Variants in OPRPN observed in about 807,000 individuals in gnomAD.
OPRPN encodes the protein basic proline-rich lacrimal protein.
Under a neutral mutation model 2.2 loss-of-function variants are expected in OPRPN, and 1 was observed. The ratio of observed to expected loss-of-function variants is 0.45; its 90% CI spans 0.16 to 2.15. The LOEUF is 2.15. Among genes scored for constraint, OPRPN ranks in the 30% most tolerant of loss-of-function variants. The pLI is 0.28. For synonymous variants in OPRPN, 126 were observed against 111.5 expected, an observed-to-expected ratio of 1.13 and a Z score of -0.82; for missense variants, 306 against 297.3, an observed-to-expected ratio of 1.03 and a Z score of -0.21.
At position 70,409,441 on chromosome 4, in the gene OPRPN, C is replaced by T; in HGVS notation, c.113C>T (p.Pro38Leu). The T allele has an allele frequency of 6.2e-7, 1 of 1,614,068 alleles. No individual in the cohort carries two copies. Among genetic ancestry groups the T allele is most frequent in the South Asian group, 1.1e-5 (1 of 91,070 alleles). ...PYLPGQLPPP[P>L]LYRPRWVPPS... is the part of the protein sequence containing the mutation. ...CTACCTGGCCAGCTGCCACCACCTC[C>T]ACTCTACAGGCCAAGATGGGTTCCA... The change falls in exon 3 of 3, where the codon CCA becomes CTA. Residue 38 changes from proline to leucine, a missense_variant. Physicochemically the swap from Pro to Leu is moderately conservative, Grantham distance 98. Coordinates refer to ENST00000399575, the MANE Select transcript of OPRPN (RefSeq NM_021225.5).
intron 2 of OPRPN, among the ~76,000 whole-genome samples, chr4:70,403,535 C>CA (rs1352939051): frequency 3.9e-5 from 6 of 152,102 alleles, no homozygotes; most frequent in Admixed American, 6.5e-5. Flanking sequence ...CATGAGTTTG[C>CA]AAAAAATATT....
At chr4:70,409,359 C>T (rs527477623) in intron 2 of OPRPN, 21 bp from the exon 3 acceptor site, 3 of 1,551,590 alleles carry the variant, frequency 1.9e-6, no homozygotes, top group East Asian at 4.5e-5. Flanking sequence ...TTGTTTTTTA[C>T]CTTTGTTTTT....
At chr4:70,401,560 T>C (rs1398929550) in intron 2 of OPRPN, among the ~76,000 whole-genome samples, 1 of 151,076 alleles carries the variant, frequency 6.6e-6, no homozygotes, top group African/African-American at 2.5e-5. Context: ...CAGGAACTAT[T>C]TGGGATGCTC....
rs763906788 is a variant in OPRPN, at chr4:70,409,642, T to A, written c.314T>A (p.Leu105Gln). ...QPRLFPGYPN[L>Q]HFPLRPYYVG... ...CGACTCTTTCCGGGTTATCCAAACC[T>A]ACATTTCCCACTAAGACCTTACTAT... The change falls in exon 3 of 3, where the codon CTA becomes CAA. Residue 105 changes from leucine to glutamine, a missense_variant. Coordinates refer to ENST00000399575, the MANE Select transcript of OPRPN (RefSeq NM_021225.5). The A allele has an allele frequency of 2.5e-6, 4 of 1,613,948 alleles. No homozygotes were observed. In the African/African-American group the frequency reaches 5.3e-5, roughly 22 times the overall value.
intron 1 of OPRPN, among the ~76,000 whole-genome samples, 155 bp downstream of exon 1, chr4:70,398,195 G>T (rs1472301956): frequency 3.3e-5 from 5 of 151,508 alleles, no homozygotes; most frequent in African/African-American, 1.2e-4. Context: ...CATTGTCTGT[G>T]GTAAAATTGC....
Position 70,410,142 on chromosome 4 carries a change from G to T in OPRPN, c.*67G>T. The stretch of plus-strand genomic sequence containing the variant: ...AGAAGAAATAAACTGCAATGATTTT[G>T]ATGGAACCAACCCTGATCTAACCAG... On this transcript the variant is annotated 3_prime_UTR_variant, in exon 3 of 3. Transcript: ENST00000399575. The T allele has an allele frequency of 5.6e-6, 7 of 1,245,534 alleles. No homozygotes were observed. The highest frequency in any genetic ancestry group is 5.5e-6 in the Non-Finnish European group (5 of 905,916). 77.2% of individuals were successfully genotyped at this position (1,245,534 alleles called of 1,614,324 possible).
At chr4:70,404,229 T>C (rs182563976) in intron 2 of OPRPN, among the ~76,000 whole-genome samples, 8 of 152,274 alleles carry the variant, frequency 5.3e-5, no homozygotes, top group East Asian at 1.9e-4. Context: ...ACATGATCAG[T>C]CTCCTACTTA....
chr4:70,402,820 A>T (rs1020605045), intron 2 of OPRPN, among the ~76,000 whole-genome samples: 2 of 152,034 alleles, frequency 1.3e-5, no homozygotes, highest in African/African-American at 4.8e-5. Context: ...AGTAGGGTAC[A>T]CTTGCCTAGT....
chr4:70,408,006 C>A (rs1252721364), intron 2 of OPRPN, among the ~76,000 whole-genome samples: 1 of 152,072 alleles, frequency 6.6e-6, no homozygotes, highest in Non-Finnish European at 1.5e-5. Context: ...GAGAAGATAG[C>A]CTTTTGGGGA....
chr4:70,398,761 G>A (rs1411354028), intron 1 of OPRPN, among the ~76,000 whole-genome samples: 2 of 151,724 alleles, frequency 1.3e-5, no homozygotes, highest in Non-Finnish European at 2.9e-5. Flanking sequence ...GATGTTAAAG[G>A]AAAAATACAC....
At chr4:70,398,799 G>T (rs948892562) in intron 1 of OPRPN, among the ~76,000 whole-genome samples, 5 of 151,818 alleles carry the variant, frequency 3.3e-5, no homozygotes, top group Non-Finnish European at 7.4e-5. Flanking sequence ...GCTTCAGACA[G>T]ATCTAATAAC....
chr4:70,409,695 C>G lies in OPRPN; in HGVS notation c.367C>G (p.Pro123Ala). 6.2e-7 allele frequency: 1 copy of G among 1,613,566 alleles called. No homozygotes were observed. The highest frequency in any genetic ancestry group is 8.5e-7 in the Non-Finnish European group (1 of 1,179,654). ...AGGACCTATTAGGATATTAAAACCC[C>G]CATTTCCTCCTATTCCTTTTTTTCT... Reference protein sequence around the residue: ...YVGPIRILKPPFPPIPFFLAI... With the variant: ...YVGPIRILKPAFPPIPFFLAI... Residue 123 changes from proline to alanine, a missense_variant, in exon 3 of 3, where the codon CCA becomes GCA. Physicochemically the swap from Pro to Ala is conservative, Grantham distance 27. Coordinates refer to ENST00000399575, the MANE Select transcript of OPRPN (RefSeq NM_021225.5).
chr4:70,409,903 T>C lies in OPRPN; in HGVS notation c.575T>C (p.Ile192Thr), dbSNP rs1300372774. 2 of 1,613,936 alleles carry C rather than the reference T, an allele frequency of 1.2e-6. No individual in the cohort carries two copies. The highest frequency in any genetic ancestry group is 1.7e-6 in the Non-Finnish European group (2 of 1,179,978). The change falls in exon 3 of 3, where the codon ATA becomes ACA. Residue 192 changes from isoleucine (I) to threonine (T), a missense_variant. By Grantham distance (89) the Ile-to-Thr change is moderately conservative. Transcript: ENST00000399575. ...ISSTPEPATS[I>T]SAATPAASTE... is the part of the protein sequence containing the mutation. ...TCAACACCAGAGCCTGCCACCTCCATATCAGCAGCAACCCCCGCAGCATCT... is the reference window on the plus strand; with the variant it reads ...TCAACACCAGAGCCTGCCACCTCCACATCAGCAGCAACCCCCGCAGCATCT...
intron 1 of OPRPN, among the ~76,000 whole-genome samples, chr4:70,398,809 C>T (rs1461446450): frequency 2.6e-5 from 4 of 151,714 alleles, no homozygotes; most frequent in African/African-American, 9.7e-5. Flanking sequence ...GATCTAATAA[C>T]AATAACACAA....
intron 2 of OPRPN, among the ~76,000 whole-genome samples, chr4:70,406,743 CGGT>C (rs1733097240): frequency 6.6e-6 from 1 of 152,158 alleles, no homozygotes; most frequent in Admixed American, 6.5e-5. Context: ...GATTGGATGG[CGGT>C]ATAGGCTTTT....
In OPRPN at chr4:70,399,303, C is replaced by T. The variant is rs1390758946; in HGVS notation, c.18C>T (p.Phe6=). The T allele has an allele frequency of 2.5e-6, 4 of 1,603,650 alleles. No homozygotes were observed. The highest frequency in any genetic ancestry group is 3.4e-6 in the Non-Finnish European group (4 of 1,172,216). ...TTTAAAGAATGAAATTAACTTTCTT[C>T]TTGGGCCTGTTGGCTCTTATTTCAT... MKLTF[F]LGLLALISCF... Residue 6 remains phenylalanine (F), a synonymous_variant, in exon 2 of 3, where the codon TTC becomes TTT. Transcript: ENST00000399575.
At chr4:70,401,440 C>A (rs1157262907) in intron 2 of OPRPN, among the ~76,000 whole-genome samples, 2 of 151,940 alleles carry the variant, frequency 1.3e-5, no homozygotes. Flanking sequence ...CAGAGATTAT[C>A]TTTTATGAGA....
intron 2 of OPRPN, among the ~76,000 whole-genome samples, chr4:70,406,201 G>A (rs916759723): frequency 1.3e-5 from 2 of 152,284 alleles, no homozygotes; most frequent in East Asian, 3.9e-4. Flanking sequence ...TATAATAGAA[G>A]TGCTAAAGCA....
chr4:70,403,649 T>C (rs2109770075), intron 2 of OPRPN, among the ~76,000 whole-genome samples: 1 of 152,334 alleles, frequency 6.6e-6, no homozygotes. Flanking sequence ...ATGTGATAGA[T>C]ACTATTACTT....
Sources: gnomAD v4.1 joint callset for allele counts (sites outside exome capture counted in the v4.1 genomes callset) on GRCh38, gnomAD v4.1.1 for gene constraint, MANE v1.5 for transcripts, NCBI Gene and HGNC (gene_info 2026-07-23, HGNC 2026-07-21) for gene names.